CERKL: variants seen among roughly 807,000 people sequenced by gnomAD.
CERKL encodes CERK like autophagy regulator, also known as ceramide kinase-like protein.
A neutral mutation model predicts 63.4 loss-of-function variants in CERKL; 61 were observed. The observed-to-expected ratio is 0.96, with a 90% CI of 0.78 to 1.19. CERKL has a LOEUF of 1.19. Among genes scored for constraint, CERKL ranks in the 50% most tolerant of loss-of-function variants. CERKL has a pLI of 0.00. For missense variants in CERKL, 675 were observed against 655.5 expected (o/e 1.03, Z -0.33); for synonymous variants, 250 against 230.5 (o/e 1.08, Z -0.77).
chr2:181,585,422 A>C (rs1002337591), intron 2 of CERKL, among the ~76,000 whole-genome samples: 2 of 152,214 alleles, frequency 1.3e-5, no homozygotes, highest in Non-Finnish European at 2.9e-5. Flanking sequence ...TTTAAGCAAA[A>C]AGCTTCTCTT....
chr2:181,547,585 T>C (rs769283517), intron 10 of CERKL, 33 bp downstream of exon 10: 5 of 1,570,916 alleles, frequency 3.2e-6, no homozygotes, highest in Admixed American at 3.3e-5. Context: ...CTATAAGAAA[T>C]GTATCAACAA....
intron 2 of CERKL, among the ~76,000 whole-genome samples, chr2:181,578,567 G>A (rs918078988): frequency 6.6e-5 from 10 of 151,928 alleles, no homozygotes; most frequent in Non-Finnish European, 1.3e-4. Context: ...CAAAGTGCTA[G>A]GATTACAGGT....
At chr2:181,650,818 AGTAAG>A (rs2105544587) in intron 1 of CERKL, among the ~76,000 whole-genome samples, 1 of 152,344 alleles carries the variant, frequency 6.6e-6, no homozygotes, top group South Asian at 2.1e-4. Context: ...AGTTGGTAGA[AGTAAG>A]GAAGTAATTC....
intron 1 of CERKL, among the ~76,000 whole-genome samples, chr2:181,622,003 T>C (rs56231907): frequency 0.18 from 27,873 of 152,146 alleles, 4,117 homozygotes; most frequent in African/African-American, 0.41. Flanking sequence ...TTACATCTAA[T>C]ATGCACAGGG....
chr2:181,567,819 T>C (rs1484730981), intron 3 of CERKL, among the ~76,000 whole-genome samples: 1 of 152,168 alleles, frequency 6.6e-6, no homozygotes, highest in African/African-American at 2.4e-5. Context: ...TATTTAAATA[T>C]AGTAGAAAGG....
chr2:181,630,173 G>A (rs956090394), intron 1 of CERKL, among the ~76,000 whole-genome samples: 3 of 152,086 alleles, frequency 2.0e-5, no homozygotes, highest in African/African-American at 7.2e-5. Context: ...GAGTAGGTGG[G>A]ACTAGAGGTG....
chr2:181,612,659 A>G (rs1360782667), intron 1 of CERKL, among the ~76,000 whole-genome samples: 1 of 152,126 alleles, frequency 6.6e-6, no homozygotes, highest in Non-Finnish European at 1.5e-5. Flanking sequence ...AAACTAATGT[A>G]TGACTCTCCT....
chr2:181,604,917 A>G (rs1248788606), intron 1 of CERKL, among the ~76,000 whole-genome samples: 1 of 152,220 alleles, frequency 6.6e-6, no homozygotes, highest in African/African-American at 2.4e-5. Flanking sequence ...CATAGGTCAG[A>G]AAATAATTAT....
At chr2:181,645,372 CAAGGTGCTGACAGTA>C (rs1165727429) in intron 1 of CERKL, among the ~76,000 whole-genome samples, 1 of 152,212 alleles carries the variant, frequency 6.6e-6, no homozygotes, top group East Asian at 1.9e-4. Flanking sequence ...AGGCACTCTT[CAAGGTGCTGACAGTA>C]AAGAAAAAAC....
At position 181,639,865 on chromosome 2, in the gene CERKL, T is replaced by C. The variant is rs1166981353; in HGVS notation, c.238+16904A>G. On this transcript the variant is annotated intron_variant, in intron 1 of 12. Coordinates refer to ENST00000410087, the MANE Select transcript of CERKL (RefSeq NM_201548.5). ...AAGATAAGATACTTAGCACAGAACCTGGCAGAGTAAACAAATCTAAGTGTT... is the reference window on the plus strand; with the variant it reads ...AAGATAAGATACTTAGCACAGAACCCGGCAGAGTAAACAAATCTAAGTGTT... 5.9e-5 allele frequency among the ~76,000 whole-genome samples: 9 copies of C among 152,328 alleles called. No individual in the cohort carries two copies. The South Asian group carries it at 8.3e-4, about 14-fold the overall frequency.
chr2:181,581,184 C>G (rs1292356418), intron 2 of CERKL, among the ~76,000 whole-genome samples: 1 of 152,092 alleles, frequency 6.6e-6, no homozygotes, highest in Non-Finnish European at 1.5e-5. Context: ...GTAATGTGGC[C>G]AGGTTATTCT....
At chr2:181,621,441 AT>A (rs1686444089) in intron 1 of CERKL, among the ~76,000 whole-genome samples, 2 of 152,204 alleles carry the variant, frequency 1.3e-5, no homozygotes, top group Non-Finnish European at 1.5e-5. Flanking sequence ...TGGAGTAGAA[AT>A]TAGAGGAAGC....
At chr2:181,635,216 T>C (rs889329283) in intron 1 of CERKL, among the ~76,000 whole-genome samples, 1 of 152,188 alleles carries the variant, frequency 6.6e-6, no homozygotes, top group African/African-American at 2.4e-5. Flanking sequence ...AGAGTAGGTT[T>C]GATCCCAATG....
chr2:181,614,683 TTTCCTAA>T (rs1310028363), intron 1 of CERKL, among the ~76,000 whole-genome samples: 1 of 152,180 alleles, frequency 6.6e-6, no homozygotes, highest in Non-Finnish European at 1.5e-5. Flanking sequence ...AAGCAATTGT[TTTCCTAA>T]TTGTATGTAA....
At chr2:181,565,196 T>C (rs1688608915) in intron 4 of CERKL, among the ~76,000 whole-genome samples, 1 of 152,194 alleles carries the variant, frequency 6.6e-6, no homozygotes, top group South Asian at 2.1e-4. Context: ...TTCACTTTGG[T>C]GAAAGTACAG....
intron 3 of CERKL, among the ~76,000 whole-genome samples, 181 bp from the exon 4 acceptor site, chr2:181,566,302 T>C (rs1226616859): frequency 6.6e-6 from 1 of 152,202 alleles, no homozygotes; most frequent in Non-Finnish European, 1.5e-5. Flanking sequence ...CCTGATGTTT[T>C]ATAGCTTTAT....
intron 11 of CERKL, among the ~76,000 whole-genome samples, chr2:181,542,468 T>G (rs960605776): frequency 1.3e-5 from 2 of 152,206 alleles, no homozygotes; most frequent in African/African-American, 4.8e-5. Context: ...TTACAAAATT[T>G]ATATAAATTC....
chr2:181,588,089 A>C (rs1183819384), intron 2 of CERKL, among the ~76,000 whole-genome samples: 2 of 152,328 alleles, frequency 1.3e-5, no homozygotes, highest in East Asian at 3.9e-4. Context: ...CATATGCATT[A>C]TCTCACATAC....
chr2:181,571,676 T>A (rs542627310), intron 3 of CERKL, among the ~76,000 whole-genome samples: 21 of 152,242 alleles, frequency 1.4e-4, no homozygotes, highest in African/African-American at 4.8e-4. Flanking sequence ...TCCTGTAGTA[T>A]ACATTGTTGA....
Sources: gnomAD v4.1 joint callset for allele counts (sites outside exome capture counted in the v4.1 genomes callset) on GRCh38, gnomAD v4.1.1 for gene constraint, MANE v1.5 for transcripts, NCBI Gene and HGNC (gene_info 2026-07-23, HGNC 2026-07-21) for gene names.